The following CMYA5 variants were observed in gnomAD, a reference collection of about 807,000 sequenced individuals.
CMYA5 encodes cardiomyopathy-associated protein 5.
A neutral mutation model predicts 318.9 loss-of-function variants in CMYA5; 246 were observed. That is an observed-to-expected ratio of 0.77 (90% CI 0.70 to 0.86). The LOEUF (loss-of-function observed/expected upper bound fraction) is 0.86. Ranked by LOEUF, CMYA5 falls within the 40% of genes least tolerant of loss-of-function variation. The probability of loss-of-function intolerance (pLI) is 0.00; values close to 1 mark genes in which losing one functional copy is unlikely to be tolerated. For synonymous variants in CMYA5, 1,641 were observed against 1,729.5 expected, an observed-to-expected ratio of 0.95 and a Z score of 1.27; for missense variants, 4,589 against 4,678.2, an observed-to-expected ratio of 0.98 and a Z score of 0.56.
chr5:79,747,148 G>A lies in CMYA5; in HGVS notation c.10991+35G>A, dbSNP rs967906023. On this transcript the variant is annotated intron_variant, in intron 5 of 12. Coordinates refer to ENST00000446378, the MANE Select transcript of CMYA5 (RefSeq NM_153610.5). ...ACATGATACAATGTAGTGGCAAACA[G>A]CATGACTGGATGCTTGCTTTTTAAT... 2.0e-6 allele frequency: 3 copies of A among 1,521,850 alleles called. No homozygotes were observed. In the South Asian group the frequency reaches 3.9e-5, roughly 20 times the overall value. The allele number at this position is 1,521,850 out of a possible 1,614,324, so 94.3% of individuals were successfully genotyped here.
chr5:79,698,157 A>AT (rs1407116550), intron 1 of CMYA5, among the ~76,000 whole-genome samples: 1 of 152,018 alleles, frequency 6.6e-6, no homozygotes, highest in Non-Finnish European at 1.5e-5. Context: ...CTGTTTATTT[A>AT]TTTTTTCCAA....
chr5:79,778,840 T>TGTGTGTGTGTGTGTGTG (rs1453105123), intron 9 of CMYA5, among the ~76,000 whole-genome samples: 31 of 122,078 alleles, frequency 2.5e-4, no homozygotes, highest in East Asian at 7.9e-4. Flanking sequence ...TGTGTGTATG[T>TGTGTGTGTGTGTGTGTG]TTATTCACTC....
rs374553597 is a variant in CMYA5 at position 79,737,802 on chromosome 5, G to C, written c.9037G>C (p.Val3013Leu). ...TLKSRLEDEK[V>L]TPLKENKQKE... ...AAAGAGCAGGTTAGAAGATGAAAAA[G>C]TTACCCCATTGAAAGAAAATAAACA... The change falls in exon 2 of 13, where the codon GTT becomes CTT. Residue 3013 changes from valine to leucine, a missense_variant. Coordinates refer to ENST00000446378, the MANE Select transcript of CMYA5 (RefSeq NM_153610.5). 2 of 1,609,030 alleles carry C rather than the reference G, an allele frequency of 1.2e-6. No individual in the cohort carries two copies. Among genetic ancestry groups the C allele is most frequent in the African/African-American group, 2.7e-5 (2 of 74,594 alleles).
rs1315192701 is a variant in CMYA5, at chr5:79,738,104, A to G, written c.9339A>G (p.Glu3113=). Residue 3113 remains glutamate, a synonymous_variant, in exon 2 of 13, where the codon GAA becomes GAG. Coordinates refer to ENST00000446378, the MANE Select transcript of CMYA5 (RefSeq NM_153610.5). ...AATATGACTTGGTGAAATTAGATGA[A>G]AGTTTTTATGGACCAGAAAAGGGCC... is the stretch of plus-strand genomic sequence containing the variant. The part of the protein sequence containing the change: ...EHEYDLVKLD[E]SFYGPEKGHN... 1 of 1,613,558 alleles carries G rather than the reference A, an allele frequency of 6.2e-7. No homozygotes were observed. Among genetic ancestry groups the G allele is most frequent in the Non-Finnish European group, 8.5e-7 (1 of 1,179,778 alleles).
Position 79,734,290 on chromosome 5 carries a change from C to T in CMYA5, c.5525C>T (p.Ser1842Phe). The T allele has an allele frequency of 1.2e-6, 2 of 1,613,638 alleles. No individual in the cohort carries two copies. Among genetic ancestry groups the T allele is most frequent in the Non-Finnish European group, 1.7e-6 (2 of 1,179,740 alleles). The change falls in exon 2 of 13, where the codon TCT (serine) becomes TTT (phenylalanine). Residue 1842 changes from serine to phenylalanine, a missense_variant. By Grantham distance (155) the Ser-to-Phe change is radical (BLOSUM62 -2). This residue lies in a region of CMYA5 where 2,132 missense variants were observed against 2,131.3 expected (regional missense o/e 1.00). Coordinates refer to ENST00000446378, the MANE Select transcript of CMYA5 (RefSeq NM_153610.5). ...GTTAAATTACCTGATGTAAGCACCT[C>T]TTCTGAAGATAAACAAGATCTGGGT... ...QTVKLPDVST[S>F]SEDKQDLGIK...
chr5:79,743,990 G>A lies in CMYA5; in HGVS notation c.10734+68G>A, dbSNP rs1828269883. 6 of 777,434 alleles carry A rather than the reference G, an allele frequency of 7.7e-6. No homozygotes were observed. In the South Asian group the frequency reaches 8.0e-5, roughly 10 times the overall value. The allele number at this position is 777,434 out of a possible 1,614,324, so 48.2% of individuals were successfully genotyped here. On this transcript the variant is annotated intron_variant, in intron 3 of 12. Transcript: ENST00000446378. ...AGTATCAGAAGTAAATGATTCTGAGGTGAAGGGATCTGACTTGGGGATTTT... is the reference window on the plus strand; with the variant it reads ...AGTATCAGAAGTAAATGATTCTGAGATGAAGGGATCTGACTTGGGGATTTT...
rs756349375 is a variant in CMYA5, at chr5:79,730,162, C to T, written c.1397C>T (p.Ala466Val). The part of the protein sequence containing the change: ...EQPDLTSIER[A>V]EPVSAKLTPT... ...CCGGACCTGACTTCAATAGAAAGGG[C>T]AGAACCAGTCTCCGCAAAACTGACC... The change falls in exon 2 of 13, where the codon GCA becomes GTA. Residue 466 changes from alanine (A) to valine (V), a missense_variant. Ala to Val is a moderately conservative substitution (Grantham distance 64). Coordinates refer to ENST00000446378, the MANE Select transcript of CMYA5 (RefSeq NM_153610.5). 5 of 1,613,794 alleles carry T rather than the reference C, an allele frequency of 3.1e-6. No homozygotes were observed. The highest frequency in any genetic ancestry group is 4.2e-6 in the Non-Finnish European group (5 of 1,179,890).
At chr5:79,777,636 G>A (rs1008570608) in intron 9 of CMYA5, among the ~76,000 whole-genome samples, 18 of 152,020 alleles carry the variant, frequency 1.2e-4, no homozygotes, top group Non-Finnish European at 2.2e-4. Flanking sequence ...TTAGCTGGGC[G>A]TGGTGGCAGG....
intron 1 of CMYA5, among the ~76,000 whole-genome samples, chr5:79,725,665 G>A (rs1465967861): frequency 6.6e-6 from 1 of 152,248 alleles, no homozygotes; most frequent in Non-Finnish European, 1.5e-5. Flanking sequence ...CACTTTGGAA[G>A]GCCGAGGTGG....
At chr5:79,712,701 T>A (rs1032814276) in intron 1 of CMYA5, among the ~76,000 whole-genome samples, 2 of 152,296 alleles carry the variant, frequency 1.3e-5, no homozygotes, top group African/African-American at 4.8e-5. Flanking sequence ...ATACAAAAAA[T>A]TGCTGGAAGG....
chr5:79,724,210 T>G (rs7732259), intron 1 of CMYA5, among the ~76,000 whole-genome samples: 33,086 of 151,112 alleles, frequency 0.22, 6,431 homozygotes, highest in African/African-American at 0.51. Context: ...TGTAATCCCA[T>G]CTACTTGGGA....
chr5:79,774,244 C>G (rs1049126603), intron 9 of CMYA5: 1 of 152,148 alleles, frequency 6.6e-6, no homozygotes, highest in Non-Finnish European at 1.5e-5. Flanking sequence ...GTGTGGGCAC[C>G]GAGGAGGCTC....
chr5:79,718,843 G>A (rs1827567845), intron 1 of CMYA5, among the ~76,000 whole-genome samples: 1 of 152,120 alleles, frequency 6.6e-6, no homozygotes, highest in South Asian at 2.1e-4. Flanking sequence ...TTGCATTACA[G>A]CTGCTTACAG....
intron 1 of CMYA5, among the ~76,000 whole-genome samples, chr5:79,722,070 G>A (rs60816572): frequency 0.22 from 33,199 of 152,126 alleles, 6,450 homozygotes; most frequent in African/African-American, 0.51. Context: ...ATATAGCCAT[G>A]AAGTTTCAAC....
chr5:79,795,352 T>A (rs77893827), intron 12 of CMYA5, among the ~76,000 whole-genome samples: 10,567 of 152,238 alleles, frequency 0.069, 381 homozygotes, highest in East Asian at 0.11. Context: ...TGATTTTAAA[T>A]CAACCTACAT....
At chr5:79,700,670 T>C (rs1827156625) in intron 1 of CMYA5, among the ~76,000 whole-genome samples, 1 of 152,150 alleles carries the variant, frequency 6.6e-6, no homozygotes, top group Non-Finnish European at 1.5e-5. Flanking sequence ...TGTCTATTAA[T>C]GGATGAGTGG....
rs368805338 is a variant in CMYA5, at chr5:79,737,783, C to T, written c.9018C>T (p.Ser3006=). ...TTGCTTGTCATAAAACATTAAAGAG[C>T]AGGTTAGAAGATGAAAAAGTTACCC... The part of the protein sequence containing the change: ...ETVACHKTLK[S]RLEDEKVTPL... The change falls in exon 2 of 13, where the codon AGC becomes AGT. Residue 3006 remains serine, a synonymous_variant. Coordinates refer to ENST00000446378, the MANE Select transcript of CMYA5 (RefSeq NM_153610.5). 3.7e-6 allele frequency: 6 copies of T among 1,611,460 alleles called. No individual in the cohort carries two copies. The African/African-American group carries it at 6.7e-5, about 18-fold the overall frequency.
In CMYA5 at chr5:79,729,190, C is replaced by A. The variant is rs188600563; in HGVS notation, c.425C>A (p.Ser142Ter). The change falls in exon 2 of 13, where the codon TCA (serine) becomes TAA (stop). Residue 142 changes from serine (S) to a stop codon, truncating the protein, a stop_gained. Transcript: ENST00000446378. LOFTEE classifies it high-confidence loss of function. ...RKRTHKSKHG[S>*]PSLRRKGNRK... Reference sequence around the variant, plus strand: ...AGGACTCATAAGTCAAAGCATGGTTCACCATCATTACGCCGGAAAGGCAAC... The same window carrying A: ...AGGACTCATAAGTCAAAGCATGGTTAACCATCATTACGCCGGAAAGGCAAC... The A allele has an allele frequency of 1.1e-5, 18 of 1,613,068 alleles. No homozygotes were observed. In the Admixed American group the frequency reaches 2.8e-4, roughly 25 times the overall value.
rs545607904 is a variant in CMYA5, at chr5:79,752,021, G to A, written c.10992-655G>A. On this transcript the variant is annotated intron_variant, in intron 5 of 12. Coordinates refer to ENST00000446378, the MANE Select transcript of CMYA5 (RefSeq NM_153610.5). ...TTTGTTTAAATCCACATTTCATCTG[G>A]ATACAAATACTTAGACTTAGCATCA... 1.3e-5 allele frequency among the ~76,000 whole-genome samples: 2 copies of A among 152,292 alleles called. 1 individual carries two copies. Among genetic ancestry groups the A allele is most frequent in the South Asian group, 4.1e-4 (2 of 4,828 alleles).
Sources: gnomAD v4.1 joint callset for allele counts (sites outside exome capture counted in the v4.1 genomes callset) on GRCh38, gnomAD v4.1.1 for gene constraint, gnomAD v4.1.1 regional missense constraint, MANE v1.5 for transcripts, NCBI Gene and HGNC (gene_info 2026-07-23, HGNC 2026-07-21) for gene names.